The following TEKTL1 variants were observed in gnomAD, a reference collection of about 807,000 sequenced individuals.
The protein encoded by TEKTL1 is tektin-like protein 1.
the TEKTL1 span, among the ~76,000 whole-genome samples, chr19:15,011,973 T>G: frequency 6.6e-6 from 1 of 151,746 alleles, no homozygotes; most frequent in Admixed American, 6.6e-5. Flanking sequence ...TTTAAAAAGT[T>G]AGCTGGGTGT....
the TEKTL1 span, among the ~76,000 whole-genome samples, chr19:15,017,286 T>A: frequency 2.0e-5 from 3 of 151,568 alleles, no homozygotes; most frequent in African/African-American, 7.3e-5. Flanking sequence ...CTAGAGGGGG[T>A]CAGGGAGGGA....
chr19:15,014,831 A>G, the TEKTL1 span, among the ~76,000 whole-genome samples: 16,821 of 151,736 alleles, frequency 0.11, 1,266 homozygotes, highest in East Asian at 0.2. Context: ...TGATTCCTGA[A>G]ATATCCTTCC....
chr19:15,022,073 G>A, the TEKTL1 span, among the ~76,000 whole-genome samples: 2 of 152,128 alleles, frequency 1.3e-5, no homozygotes, highest in African/African-American at 2.4e-5. Context: ...GGCTTCACTG[G>A]GTACTGAAGT....
the TEKTL1 span, among the ~76,000 whole-genome samples, chr19:15,012,703 G>A: frequency 1.3e-5 from 2 of 151,962 alleles, no homozygotes; most frequent in African/African-American, 4.8e-5. Flanking sequence ...TCCCAGCCAG[G>A]GAGAGAGGGT....
At chr19:15,022,329 T>C in the TEKTL1 span, among the ~76,000 whole-genome samples, 1 of 151,504 alleles carries the variant, frequency 6.6e-6, no homozygotes, top group African/African-American at 2.4e-5. Flanking sequence ...TTATTAACTA[T>C]TATTGTTATT....
chr19:15,013,366 G>A, the TEKTL1 span, among the ~76,000 whole-genome samples: 5 of 152,064 alleles, frequency 3.3e-5, no homozygotes, highest in African/African-American at 1.2e-4. Context: ...CCAGCCTCAG[G>A]GGGTGAGAAC....
chr19:15,012,222 C>G, the TEKTL1 span, among the ~76,000 whole-genome samples: 2 of 151,938 alleles, frequency 1.3e-5, no homozygotes, highest in East Asian at 3.9e-4. Context: ...ATCAGGCCAA[C>G]CGCAAACCAG....
chr19:15,021,490 C>G, the TEKTL1 span: 1 of 1,614,200 alleles, frequency 6.2e-7, no homozygotes, highest in Non-Finnish European at 8.5e-7. Flanking sequence ...CTCGCTGGCG[C>G]AGAAGGCGAG....
At chr19:15,017,637 G>A in the TEKTL1 span, among the ~76,000 whole-genome samples, 2 of 152,146 alleles carry the variant, frequency 1.3e-5, no homozygotes, top group Admixed American at 1.3e-4. Context: ...GACACAGGAA[G>A]ATCAAGATGT....
At chr19:15,020,691 G>A in the TEKTL1 span, 15 of 1,563,548 alleles carry the variant, frequency 9.6e-6, no homozygotes, top group African/African-American at 1.4e-5. Flanking sequence ...TCGTATTGGT[G>A]CCCACCCAGA....
chr19:15,012,307 T>C, the TEKTL1 span, among the ~76,000 whole-genome samples: 1 of 151,572 alleles, frequency 6.6e-6, no homozygotes, highest in African/African-American at 2.4e-5. Context: ...TTTGTGCTTG[T>C]AATCCCAGCA....
chr19:15,017,439 G>T, the TEKTL1 span, among the ~76,000 whole-genome samples: 1 of 152,136 alleles, frequency 6.6e-6, no homozygotes. Flanking sequence ...AAAGGAATAT[G>T]ATATGCTTCA....
chr19:15,011,868 C>A, the TEKTL1 span, among the ~76,000 whole-genome samples: 4 of 152,164 alleles, frequency 2.6e-5, 1 homozygote, highest in South Asian at 8.3e-4. Context: ...GTGTGAGGAC[C>A]GCTTGAGTCC....
the TEKTL1 span, among the ~76,000 whole-genome samples, chr19:15,018,731 T>TATATATATATATATATATATATATAA: frequency 2.4e-5 from 3 of 127,018 alleles, no homozygotes; most frequent in Admixed American, 8.2e-5. Flanking sequence ...TATATATATA[T>TATATATATATATATATATATATATAA]AACTTCCCTG....
the TEKTL1 span, among the ~76,000 whole-genome samples, chr19:15,016,459 T>A: frequency 6.6e-6 from 1 of 152,078 alleles, no homozygotes; most frequent in Non-Finnish European, 1.5e-5. Context: ...AGTGCTAGGA[T>A]TACAGGCATG....
the TEKTL1 span, among the ~76,000 whole-genome samples, chr19:15,012,330 A>G: frequency 1.4e-5 from 2 of 146,950 alleles, no homozygotes; most frequent in Admixed American, 1.4e-4. Context: ...TCAGGACACC[A>G]AGGCAGGAGG....
the TEKTL1 span, among the ~76,000 whole-genome samples, chr19:15,014,795 C>G: frequency 6.7e-6 from 1 of 150,220 alleles, no homozygotes; most frequent in African/African-American, 2.5e-5. Flanking sequence ...TATCTTCTGG[C>G]CGCTGTCATA....
chr19:15,020,361 A>T, the TEKTL1 span: 2 of 998,284 alleles, frequency 2.0e-6, no homozygotes, highest in Non-Finnish European at 2.9e-6. Context: ...GAAATGCTTT[A>T]CAGCCTATAA....
the TEKTL1 span, among the ~76,000 whole-genome samples, chr19:15,019,568 T>C: frequency 2.6e-5 from 4 of 151,308 alleles, no homozygotes; most frequent in Non-Finnish European, 4.4e-5. Context: ...CCTTGAGGGG[T>C]GGTGTGATGT....
Sources: gnomAD v4.1 joint callset for allele counts (sites outside exome capture counted in the v4.1 genomes callset) on GRCh38, gnomAD v4.1.1 for gene constraint, MANE v1.5 for transcripts, NCBI Gene and HGNC (gene_info 2026-07-23, HGNC 2026-07-21) for gene names.